Variants in EVC observed in about 807,000 individuals in gnomAD.
EVC encodes evC complex member EVC.
EVC carries 116 observed loss-of-function variants against 118.9 expected under a neutral mutation model. The observed-to-expected ratio is 0.98, with a 90% confidence interval of 0.84 to 1.14. The LOEUF (loss-of-function observed/expected upper bound fraction) is 1.14, where lower values mean the gene tolerates loss of function less well. EVC is among the 50% of genes most tolerant of loss of function. The pLI is 0.00. For synonymous variants in EVC, 619 were observed against 534.7 expected, an observed-to-expected ratio of 1.16 and a Z score of -2.18; for missense variants, 1,401 against 1,246.4, an observed-to-expected ratio of 1.12 and a Z score of -1.87.
rs1252318929 is a variant in EVC at position 5,753,059 on chromosome 4, C to T, written c.1315+7C>T. ...GCAGAGCGCTTCAGCCGGGGTGAGC[C>T]GTGGGCATGGGTGCCGCCGTCCACA... On this transcript the variant is annotated splice_region_variant and intron_variant, in intron 9 of 20. Transcript: ENST00000264956. 4.4e-6 allele frequency: 7 copies of T among 1,580,608 alleles called. No individual in the cohort carries two copies. Among genetic ancestry groups the T allele is most frequent in the Non-Finnish European group, 6.0e-6 (7 of 1,164,470 alleles).
intron 18 of EVC, 24 bp downstream of exon 18, chr4:5,808,351 T>G: frequency 6.2e-7 from 1 of 1,614,010 alleles, no homozygotes; most frequent in Non-Finnish European, 8.5e-7. Flanking sequence ...AACTGGACCT[T>G]CCAAAAGCAG....
At chr4:5,787,404 C>T (rs1158659039) in intron 12 of EVC, among the ~76,000 whole-genome samples, 1 of 152,158 alleles carries the variant, frequency 6.6e-6, no homozygotes, top group East Asian at 1.9e-4. Flanking sequence ...TCACAAGGGT[C>T]CTTATAAGTG....
chr4:5,762,683 G>C (rs1180690865), intron 11 of EVC, among the ~76,000 whole-genome samples: 1 of 145,858 alleles, frequency 6.9e-6, no homozygotes, highest in Admixed American at 6.9e-5. Flanking sequence ...TGTGTTTTTT[G>C]GCTGCATAAA....
At chr4:5,793,322 T>G (rs896052702) in intron 12 of EVC, among the ~76,000 whole-genome samples, 4 of 152,152 alleles carry the variant, frequency 2.6e-5, no homozygotes, top group South Asian at 2.1e-4. Context: ...AGTTATCCAT[T>G]TATCCAGAGA....
At chr4:5,734,299 C>G (rs560644634) in intron 5 of EVC, among the ~76,000 whole-genome samples, 1 of 152,278 alleles carries the variant, frequency 6.6e-6, no homozygotes, top group East Asian at 1.9e-4. Flanking sequence ...TGGACAGACA[C>G]ACAGATATGT....
chr4:5,714,859 CA>C (rs1340447639), intron 1 of EVC, among the ~76,000 whole-genome samples: 2 of 152,024 alleles, frequency 1.3e-5, no homozygotes, highest in African/African-American at 4.8e-5. Context: ...GGCTGGAGTT[CA>C]GTGGCATGAT....
At chr4:5,782,389 A>AT (rs71171482) in intron 11 of EVC, among the ~76,000 whole-genome samples, 10,478 of 78,642 alleles carry the variant, frequency 0.13, 1,044 homozygotes, top group Non-Finnish European at 0.16. Flanking sequence ...GTAAGGTTCC[A>AT]TTTTTTTTTT....
intron 11 of EVC, among the ~76,000 whole-genome samples, chr4:5,775,814 G>A (rs1322708829): frequency 2.6e-5 from 4 of 152,154 alleles, no homozygotes; most frequent in African/African-American, 7.2e-5. Flanking sequence ...TAAAGAATAT[G>A]TGTAGCTTCA....
At chr4:5,767,794 C>T (rs1004079055) in intron 11 of EVC, among the ~76,000 whole-genome samples, 2 of 152,176 alleles carry the variant, frequency 1.3e-5, no homozygotes, top group Non-Finnish European at 2.9e-5. Flanking sequence ...GACCTGCGCC[C>T]ACTGTCTGGC....
At position 5,743,795 on chromosome 4, in the gene EVC, A is replaced by G. The variant is rs1459888811; in HGVS notation, c.802-1409A>G. 6.6e-6 allele frequency among the ~76,000 whole-genome samples: 1 copy of G among 152,208 alleles called. No individual in the cohort carries two copies. The highest frequency in any genetic ancestry group is 1.5e-5 in the Non-Finnish European group (1 of 68,036). ...ACATACATTATTTCATTTAATAGTT[A>G]TGACAGCCCTGTGAGTGGCCATTGT... On this transcript the variant is annotated intron_variant, in intron 6 of 20. Coordinates refer to ENST00000264956, the MANE Select transcript of EVC (RefSeq NM_153717.3). This position sits in a 1 kb window ranked among gnomAD's most constrained non-coding sequence, Gnocchi z 4.7.
chr4:5,741,005 A>G (rs1288992383), intron 5 of EVC, among the ~76,000 whole-genome samples: 1 of 152,226 alleles, frequency 6.6e-6, no homozygotes, highest in African/African-American at 2.4e-5. Flanking sequence ...ATAAAATGGT[A>G]CCTACGGCCA....
chr4:5,804,919 G>A, intron 17 of EVC, 78 bp downstream of exon 17: 1 of 1,307,756 alleles, frequency 7.6e-7, no homozygotes, highest in Non-Finnish European at 1.1e-6. Flanking sequence ...GGTGCCGTCA[G>A]CAGGTGCCGT....
chr4:5,825,543 G>A, the EVC span: 7 of 1,593,668 alleles, frequency 4.4e-6, no homozygotes, highest in Middle Eastern at 1.7e-4. This position sits in a 1 kb window ranked among gnomAD's most constrained non-coding sequence, Gnocchi z 4.4. Context: ...GTGGGGGCTG[G>A]TGTTTAGAAG....
rs1334724842 is a variant in EVC at position 5,756,381 on chromosome 4, G to A, written c.1563+19G>A. The A allele has an allele frequency of 1.4e-5, 22 of 1,583,966 alleles. No individual in the cohort carries two copies. Among genetic ancestry groups the A allele is most frequent in the Non-Finnish European group, 1.9e-5 (22 of 1,160,362 alleles). ...CTGCCAGGTACATGGCCTCTGTGGG[G>A]ACCAGCAGAGAAGCCCCAGGGTCTG... On this transcript the variant is annotated intron_variant, in intron 11 of 20. Coordinates refer to ENST00000264956, the MANE Select transcript of EVC (RefSeq NM_153717.3). The surrounding 1 kb of genome is among the most constrained non-coding windows in gnomAD (Gnocchi z 4.2).
rs574669392 is a variant in EVC, at chr4:5,804,834, C to G, written c.2554C>G (p.His852Asp). Reference protein sequence around the residue: ...GGAHETSQAVHQRMLSQQKRF... With the variant: ...GGAHETSQAVDQRMLSQQKRF... ...CGCTCATGAGACCTCCCAGGCGGTC[C>G]ACCAGAGGTGAGGTCCCAACTGAGG... The change falls in exon 17 of 21, where the codon CAC becomes GAC. Residue 852 changes from histidine (H) to aspartate (D), a missense_variant. Physicochemically the swap from His to Asp is moderately conservative, Grantham distance 81. Transcript: ENST00000264956. The G allele has an allele frequency of 5.0e-6, 8 of 1,613,742 alleles. No homozygotes were observed. The highest frequency in any genetic ancestry group is 1.7e-4 in the Middle Eastern group (1 of 6,026).
chr4:5,767,200 G>T (rs369244112), intron 11 of EVC, among the ~76,000 whole-genome samples: 1 of 152,080 alleles, frequency 6.6e-6, no homozygotes, highest in African/African-American at 2.4e-5. Flanking sequence ...ATGCCTCCCA[G>T]TTAGGCTCCT....
the EVC span, chr4:5,825,949 T>C: frequency 0.03 from 13,466 of 444,158 alleles, 266 homozygotes; most frequent in African/African-American, 0.052. The surrounding 1 kb of genome is among the most constrained non-coding windows in gnomAD (Gnocchi z 4.4). Context: ...CATGCACACA[T>C]ATATGCATGC....
chr4:5,717,202 A>G (rs141253357), intron 1 of EVC, among the ~76,000 whole-genome samples: 3 of 151,840 alleles, frequency 2.0e-5, no homozygotes, highest in African/African-American at 7.3e-5. Context: ...TCAACTTTAT[A>G]CTTGTATTGA....
chr4:5,780,587 T>C (rs1321420641), intron 11 of EVC, among the ~76,000 whole-genome samples: 3 of 152,240 alleles, frequency 2.0e-5, no homozygotes, highest in Non-Finnish European at 4.4e-5. Flanking sequence ...TTATCACCTG[T>C]CATTTTCTGG....
Sources: allele counts gnomAD v4.1 joint callset (sites outside exome capture counted in the v4.1 genomes callset), GRCh38; gene constraint gnomAD v4.1.1; non-coding constraint Gnocchi (gnomAD v3.1); transcripts MANE v1.5; gene names NCBI Gene and HGNC (gene_info 2026-07-23, HGNC 2026-07-21).